The following ERCC4 variants were observed in gnomAD, a reference collection of about 807,000 sequenced individuals.
ERCC4 encodes the protein ERCC excision repair 4, endonuclease catalytic subunit, also known as DNA repair endonuclease XPF.
Under a neutral mutation model 76.9 loss-of-function variants are expected in ERCC4, and 65 were observed. The observed-to-expected ratio is 0.84, with a 90% CI of 0.69 to 1.04. ERCC4 has a LOEUF of 1.04. ERCC4 is among the 50% of genes least tolerant of loss of function. The pLI, the probability that ERCC4 is intolerant of heterozygous loss-of-function variation, is 0.00. For missense variants in ERCC4, 1,214 were observed against 1,128.2 expected (o/e 1.08, Z -1.09); for synonymous variants, 463 against 410.1 (o/e 1.13, Z -1.56).
chr16:13,928,342 A>G, intron 4 of ERCC4, 107 bp downstream of exon 4: 1 of 804,894 alleles, frequency 1.2e-6, no homozygotes, highest in Non-Finnish European at 2.0e-6. Context: ...TTATTTAAGA[A>G]TAAAATTGGA....
chr16:13,934,384 C>A, intron 7 of ERCC4, 82 bp downstream of exon 7: 1 of 894,004 alleles, frequency 1.1e-6, no homozygotes, highest in South Asian at 1.3e-5. Flanking sequence ...AAAAGTAGTT[C>A]AAGACTAGCC....
Position 13,935,760 on chromosome 16 carries a change from C to T in ERCC4, c.1811+17C>T, listed in dbSNP as rs1466335231. The T allele has an allele frequency of 3.2e-6, 5 of 1,559,734 alleles. No homozygotes were observed. Among genetic ancestry groups the T allele is most frequent in the Non-Finnish European group, 4.4e-6 (5 of 1,130,662 alleles). ...ACCTCTGAGGCAAGTTATAAAGAAT[C>T]ACAGCTTTCAGTTGCACAGTTCTTT... On this transcript the variant is annotated intron_variant, in intron 8 of 10. Transcript: ENST00000311895.
intron 2 of ERCC4, 68 bp from the exon 3 acceptor site, chr16:13,926,493 A>G: frequency 7.2e-7 from 1 of 1,379,662 alleles, no homozygotes; most frequent in Non-Finnish European, 1.0e-6. Flanking sequence ...AGTACTTAAG[A>G]AAAATGTGAT....
At chr16:13,928,504 CTT>C (rs2032112365) in intron 4 of ERCC4, among the ~76,000 whole-genome samples, 1 of 152,076 alleles carries the variant, frequency 6.6e-6, no homozygotes, top group African/African-American at 2.4e-5. Context: ...AAATAAATAA[CTT>C]TTTTTACTTT....
At chr16:13,939,983 G>T (rs532211997) in intron 9 of ERCC4, among the ~76,000 whole-genome samples, 11 of 152,320 alleles carry the variant, frequency 7.2e-5, no homozygotes, top group African/African-American at 2.2e-4. Context: ...TGGGTTTTCA[G>T]TGTTCATGTC....
At position 13,949,620 on chromosome 16, in the gene ERCC4, G is replaced by A. The variant is rs1203790011; in HGVS notation, c.*1273G>A. On this transcript the variant is annotated 3_prime_UTR_variant, in exon 11 of 11. Transcript: ENST00000311895. ...CAATGTATGGAATATATAAAAATAC[G>A]AAAGAAATATATACGTTTAAAAATC... The A allele has an allele frequency of 3.0e-5, 7 of 232,514 alleles. No individual in the cohort carries two copies. Among genetic ancestry groups the A allele is most frequent in the South Asian group, 3.6e-4 (2 of 5,518 alleles). 14.4% of individuals were successfully genotyped at this position (232,514 alleles called of 1,614,324 possible).
chr16:13,923,099 A>G (rs113002567), intron 2 of ERCC4, among the ~76,000 whole-genome samples: 1 of 152,226 alleles, frequency 6.6e-6, no homozygotes, highest in Non-Finnish European at 1.5e-5. Flanking sequence ...AGCTAGAATT[A>G]AATAGAAAAG....
intron 10 of ERCC4, among the ~76,000 whole-genome samples, chr16:13,946,633 C>T (rs1190131034): frequency 1.3e-5 from 2 of 152,232 alleles, no homozygotes; most frequent in African/African-American, 4.8e-5. Flanking sequence ...GCCCTTGATA[C>T]TTAAAAATGT....
In ERCC4 at chr16:13,937,885, G is replaced by A. The variant is rs761010953; in HGVS notation, c.1904+27G>A. 8 of 1,409,476 alleles carry A rather than the reference G, an allele frequency of 5.7e-6. No homozygotes were observed. In the Admixed American group the frequency reaches 1.3e-4, roughly 24 times the overall value. The allele number at this position is 1,409,476 out of a possible 1,614,324, so 87.3% of individuals were successfully genotyped here. A position where few individuals can be genotyped will look rare whatever the true frequency, so the allele number is the denominator to read the frequency against. ...TAATACATAGAAAATCAGTATGAAA[G>A]CCCCAACTACATTGGAAACCTCTGG... On this transcript the variant is annotated intron_variant, in intron 9 of 10. Transcript: ENST00000311895.
rs2032536713 is a variant in ERCC4, at chr16:13,947,493, A to G, written c.2018-121A>G. On this transcript the variant is annotated intron_variant, in intron 10 of 10. Transcript: ENST00000311895. ...AAATATAGAAATTATATGGAATATT[A>G]CCATATAGAATTATGTAACCATCCA... is the stretch of plus-strand genomic sequence containing the variant. The G allele has an allele frequency of 8.7e-6, 9 of 1,032,476 alleles. No homozygotes were observed. The South Asian group carries it at 9.1e-5, about 10-fold the overall frequency. 64.0% of individuals were successfully genotyped at this position (1,032,476 alleles called of 1,614,324 possible).
chr16:13,944,395 GGTGGCATTTTTTACAT>G (rs1384112327), intron 9 of ERCC4, among the ~76,000 whole-genome samples: 7 of 151,892 alleles, frequency 4.6e-5, no homozygotes, highest in Non-Finnish European at 8.8e-5. Context: ...AGAATCTCTT[GGTGGCATTTTTTACAT>G]GTGGCATTTT....
intron 2 of ERCC4, among the ~76,000 whole-genome samples, chr16:13,925,725 A>G (rs2032059817): frequency 6.6e-6 from 1 of 152,188 alleles, no homozygotes; most frequent in South Asian, 2.1e-4. Flanking sequence ...GGTCTAAAAG[A>G]CAGACTCGTC....
rs952244517 is a variant in ERCC4 at position 13,920,264 on chromosome 16, A to G, written c.99A>G (p.Val33=). The change falls in exon 1 of 11, where the codon GTA becomes GTG. Residue 33 remains valine (V), a synonymous_variant. Coordinates refer to ENST00000311895, the MANE Select transcript of ERCC4 (RefSeq NM_005236.3). ...VLELLDTDGL[V]VCARGLGADR... ...AACTGCTCGACACTGACGGGCTAGT[A>G]GTGTGCGCCCGCGGGCTCGGCGCGG... 6.2e-7 allele frequency: 1 copy of G among 1,606,962 alleles called. No individual in the cohort carries two copies. Among genetic ancestry groups the G allele is most frequent in the Non-Finnish European group, 8.5e-7 (1 of 1,179,896 alleles).
intron 2 of ERCC4, 156 bp downstream of exon 2, chr16:13,922,367 C>T: frequency 1.3e-6 from 1 of 762,384 alleles, no homozygotes; most frequent in Non-Finnish European, 2.4e-6. Flanking sequence ...GGGGCAGCAC[C>T]CACAGGTCTA....
At position 13,926,596 on chromosome 16, in the gene ERCC4, T is replaced by A; in HGVS notation, c.424T>A (p.Ser142Thr). The A allele has an allele frequency of 6.2e-7, 1 of 1,614,142 alleles. No homozygotes were observed. ...LVYRAHRIIESCQEAFILRLF... is the reference protein window; with the variant it reads ...LVYRAHRIIETCQEAFILRLF... The stretch of plus-strand genomic sequence containing the variant: ...GTATAGAGCCCACAGAATAATCGAG[T>A]CTTGTCAAGAAGCATTCATCTTGCG... The change falls in exon 3 of 11, where the codon TCT becomes ACT. Residue 142 changes from serine to threonine, a missense_variant. Physicochemically the swap from Ser to Thr is moderately conservative, Grantham distance 58. Transcript: ENST00000311895.
intron 10 of ERCC4, among the ~76,000 whole-genome samples, chr16:13,946,871 C>T (rs2032524745): frequency 6.6e-6 from 1 of 152,178 alleles, no homozygotes; most frequent in Non-Finnish European, 1.5e-5. Context: ...AGCAATTCTC[C>T]TGCCACAGCC....
chr16:13,947,174 G>A (rs2032530602), intron 10 of ERCC4, among the ~76,000 whole-genome samples: 1 of 152,106 alleles, frequency 6.6e-6, no homozygotes, highest in African/African-American at 2.4e-5. Context: ...CCCATCTCTG[G>A]ACTCACTGAT....
At position 13,934,432 on chromosome 16, in the gene ERCC4, ACTG is replaced by A. The variant is rs1468794802; in HGVS notation, c.1213+133_1213+135del. 3 of 721,360 alleles carry A rather than the reference ACTG, an allele frequency of 4.2e-6. No homozygotes were observed. In the East Asian group the frequency reaches 7.5e-5, roughly 18 times the overall value. 44.7% of individuals were successfully genotyped at this position (721,360 alleles called of 1,614,324 possible). Reference sequence around the variant, plus strand: ...TGAAACCCTGTCTCTATTTTAAAACACTGCTATTTTATCTATAAAATGTAGACA... The same window carrying A: ...TGAAACCCTGTCTCTATTTTAAAACACTATTTTATCTATAAAATGTAGACA... On this transcript the variant is annotated intron_variant, in intron 7 of 10. Coordinates refer to ENST00000311895, the MANE Select transcript of ERCC4 (RefSeq NM_005236.3).
intron 8 of ERCC4, among the ~76,000 whole-genome samples, chr16:13,936,264 C>A (rs2032291174): frequency 6.6e-6 from 1 of 152,070 alleles, no homozygotes; most frequent in Non-Finnish European, 1.5e-5. Flanking sequence ...GAAAATGATG[C>A]CTCCCAAAGA....
Sources: gnomAD v4.1 joint callset for allele counts (sites outside exome capture counted in the v4.1 genomes callset) on GRCh38, gnomAD v4.1.1 for gene constraint, MANE v1.5 for transcripts, NCBI Gene and HGNC (gene_info 2026-07-23, HGNC 2026-07-21) for gene names.